IPP: variants seen among roughly 807,000 people sequenced by gnomAD.
IPP encodes actin-binding protein IPP.
IPP carries 41 observed loss-of-function variants against 64.1 expected under a neutral mutation model. That is an observed-to-expected ratio of 0.64 (90% CI 0.50 to 0.83). The LOEUF (loss-of-function observed/expected upper bound fraction) is 0.83. Among genes scored for constraint, IPP ranks in the 40% least tolerant of loss-of-function variants. The pLI, the probability that IPP is intolerant of heterozygous loss-of-function variation, is 0.00. For synonymous variants in IPP, 214 were observed against 235.2 expected (o/e 0.91, Z 0.83); for missense variants, 649 against 703.0 (o/e 0.92, Z 0.87).
chr1:45,700,308 T>A (rs1300898260), intron 8 of IPP, 118 bp from the exon 9 acceptor site: 61 of 1,365,472 alleles, frequency 4.5e-5, no homozygotes, highest in Non-Finnish European at 5.8e-5. Flanking sequence ...AACTATCTAG[T>A]CAGGTAAGCA....
chr1:45,729,616 A>C lies in IPP; in HGVS notation c.878T>G (p.Val293Gly), dbSNP rs1285441484. The stretch of plus-strand genomic sequence containing the variant: ...TACTTTTTTAAGGGCTCTCTCACCT[A>C]CTGCATACAGGTACTTTCTTGCTTT... ...RKKARKYLYA[V>G]GGYTRLQGGR... is the part of the protein sequence containing the mutation. Residue 293 changes from valine (V) to glycine (G), a missense_variant and splice_region_variant, in exon 4 of 9, where the codon GTA becomes GGA. Transcript: ENST00000396478. 6.2e-7 allele frequency: 1 copy of C among 1,608,572 alleles called. No individual in the cohort carries two copies. The highest frequency in any genetic ancestry group is 1.3e-5 in the African/African-American group (1 of 74,752).
At chr1:45,695,703 CTTG>C (rs200651505), downstream of IPP, among the ~76,000 whole-genome samples, 491 of 150,706 alleles carry the variant, frequency 3.3e-3, 5 homozygotes, top group East Asian at 0.022. Flanking sequence ...GAGTTTCACT[CTTG>C]TTGCCCAGGC....
chr1:45,704,010 A>C (rs1255375303), intron 8 of IPP, among the ~76,000 whole-genome samples: 2 of 152,122 alleles, frequency 1.3e-5, no homozygotes, highest in African/African-American at 4.8e-5. Context: ...TGACTCAGTG[A>C]AGATGCAACC....
chr1:45,727,524 G>A, intron 5 of IPP, 107 bp downstream of exon 5: 1 of 187,068 alleles, frequency 5.3e-6, no homozygotes, highest in Non-Finnish European at 9.9e-6. Flanking sequence ...AATACTTATT[G>A]AGGACAATTA....
chr1:45,699,918 G>C lies in IPP; in HGVS notation c.*48C>G. On this transcript the variant is annotated 3_prime_UTR_variant, in exon 9 of 9. Coordinates refer to ENST00000396478, the MANE Select transcript of IPP (RefSeq NM_005897.3). ...TCTATGTTTGCTTTGCAAAAGGTCA[G>C]GTCCTGCATTTTCAAAATGTTCCTT... is the stretch of plus-strand genomic sequence containing the variant. The C allele has an allele frequency of 6.3e-7, 1 of 1,597,790 alleles. No homozygotes were observed.
At chr1:45,712,086 C>T (rs1645597933) in intron 8 of IPP, among the ~76,000 whole-genome samples, 1 of 151,836 alleles carries the variant, frequency 6.6e-6, no homozygotes, top group South Asian at 2.1e-4. Flanking sequence ...AAGGCCGAGT[C>T]GGGTGGATTG....
Position 45,700,095 on chromosome 1 carries a change from A to T in IPP, c.1626T>A (p.Ser542=), listed in dbSNP as rs751266736. Residue 542 remains serine, a synonymous_variant, in exon 9 of 9, where the codon TCT becomes TCA. Transcript: ENST00000396478. ...NGLLYVSGGR[S]SSHDFLAPGT... ...CTGGAGCCAAAAAATCATGGCTGGA[A>T]GATCGACCTCCAGAAACATACAGAA... 6.2e-7 allele frequency: 1 copy of T among 1,614,188 alleles called. No individual in the cohort carries two copies. Among genetic ancestry groups the T allele is most frequent in the South Asian group, 1.1e-5 (1 of 91,084 alleles).
chr1:45,722,493 C>T (rs1008560671), intron 5 of IPP, among the ~76,000 whole-genome samples: 2 of 151,908 alleles, frequency 1.3e-5, no homozygotes, highest in African/African-American at 2.4e-5. Flanking sequence ...TGCAGTGAGT[C>T]GACATCGCAC....
At chr1:45,726,062 G>A (rs1249189926) in intron 5 of IPP, among the ~76,000 whole-genome samples, 1 of 144,278 alleles carries the variant, frequency 6.9e-6, no homozygotes, top group Non-Finnish European at 1.5e-5. Context: ...CCCCCTCTGC[G>A]AGAAACACCC....
chr1:45,717,164 G>T, intron 6 of IPP, 147 bp from the exon 7 acceptor site: 27 of 430,372 alleles, frequency 6.3e-5, no homozygotes, highest in Non-Finnish European at 7.5e-5. Context: ...CCATGAAAAA[G>T]TTAGAATTTG....
chr1:45,724,112 C>T (rs901874954), intron 5 of IPP, among the ~76,000 whole-genome samples: 1 of 151,972 alleles, frequency 6.6e-6, no homozygotes, highest in African/African-American at 2.4e-5. Context: ...CTGCCGAGCG[C>T]CTGCAATTGC....
intron 8 of IPP, among the ~76,000 whole-genome samples, chr1:45,701,542 C>A (rs1251156472): frequency 1.3e-5 from 2 of 152,202 alleles, no homozygotes; most frequent in Non-Finnish European, 1.5e-5. Flanking sequence ...CCGCCTTGGC[C>A]TCCCAAAGTG....
chr1:45,744,415 ACT>A (rs1646107251), intron 2 of IPP, among the ~76,000 whole-genome samples: 1 of 151,528 alleles, frequency 6.6e-6, no homozygotes, highest in Admixed American at 6.6e-5. Flanking sequence ...ATGGGGTCTC[ACT>A]CTGTCTCCCA....
At chr1:45,716,106 TA>T (rs1225129980) in intron 7 of IPP, among the ~76,000 whole-genome samples, 2 of 152,162 alleles carry the variant, frequency 1.3e-5, no homozygotes, top group Non-Finnish European at 2.9e-5. Flanking sequence ...AGTAGACAAT[TA>T]AAATAATGTT....
intron 5 of IPP, among the ~76,000 whole-genome samples, chr1:45,721,288 GCTTA>G (rs1312777079): frequency 6.6e-6 from 1 of 152,164 alleles, no homozygotes; most frequent in Non-Finnish European, 1.5e-5. Context: ...GGCTCACTGT[GCTTA>G]AACTGTACAA....
chr1:45,711,999 G>A (rs1645596897), intron 8 of IPP, among the ~76,000 whole-genome samples: 2 of 152,056 alleles, frequency 1.3e-5, no homozygotes, highest in Non-Finnish European at 2.9e-5. Flanking sequence ...GGACAGACAA[G>A]GGAAGATCTG....
At chr1:45,735,837 C>T (rs1645973636) in intron 3 of IPP, among the ~76,000 whole-genome samples, 1 of 112,938 alleles carries the variant, frequency 8.9e-6, no homozygotes, top group South Asian at 2.8e-4. Context: ...GTAGGCCAGG[C>T]GCGGTGTCTC....
chr1:45,714,130 G>A (rs534097163), intron 8 of IPP, 116 bp downstream of exon 8: 115 of 686,698 alleles, frequency 1.7e-4, no homozygotes, highest in Non-Finnish European at 2.7e-4. Context: ...AAAGAAAAAA[G>A]GGGAAAAAAA....
Position 45,698,718 on chromosome 1 carries a change from T to TTTTC in IPP, c.*1247_*1248insGAAA. The TTTTC allele has an allele frequency of 2.4e-4, 20 of 83,922 alleles. No individual in the cohort carries two copies. The highest frequency in any genetic ancestry group is 2.7e-4 in the Non-Finnish European group (20 of 75,046). 5.2% of individuals were successfully genotyped at this position (83,922 alleles called of 1,614,324 possible). ...GCAAAAAAGGAAGAATTTTTTTTTC[T>TTTTC]TTTTTTTTTTTTTTTTTTGAGACAG... On this transcript the variant is annotated 3_prime_UTR_variant, in exon 9 of 9. Coordinates refer to ENST00000396478, the MANE Select transcript of IPP (RefSeq NM_005897.3).
Sources: allele counts gnomAD v4.1 joint callset (sites outside exome capture counted in the v4.1 genomes callset), GRCh38; gene constraint gnomAD v4.1.1; transcripts MANE v1.5; gene names NCBI Gene and HGNC (gene_info 2026-07-23, HGNC 2026-07-21).